Variants in CTU1 observed in about 807,000 individuals in gnomAD.
CTU1 encodes the protein cytoplasmic tRNA 2-thiolation protein 1.
A neutral mutation model predicts 12.9 loss-of-function variants in CTU1; 15 were observed. The ratio of observed to expected loss-of-function variants is 1.16; its 90% CI spans 0.78 to 1.79. The LOEUF is 1.79. Among genes scored for constraint, CTU1 ranks in the 40% most tolerant of loss-of-function variants. The pLI is 0.00. For missense variants in CTU1, 553 were observed against 550.5 expected (o/e 1.00, Z -0.05); for synonymous variants, 295 against 275.6 (o/e 1.07, Z -0.70).
intron 1 of CTU1, among the ~76,000 whole-genome samples, chr19:51,105,415 C>T (rs879323529): frequency 1.3e-5 from 2 of 151,980 alleles, no homozygotes; most frequent in African/African-American, 2.4e-5. Flanking sequence ...TTCATTCTTC[C>T]CCACCCAGCC....
At chr19:51,103,575 ACT>A (rs1332986610) in intron 2 of CTU1, among the ~76,000 whole-genome samples, 5 of 119,792 alleles carry the variant, frequency 4.2e-5, no homozygotes, top group East Asian at 5.0e-4. Flanking sequence ...ACAGAGCGAG[ACT>A]CTGTCTCAAA....
In CTU1 at chr19:51,104,510, G is replaced by C. The variant is rs1485603494; in HGVS notation, c.60C>G (p.Leu20=). The C allele has an allele frequency of 1.6e-6, 2 of 1,282,888 alleles. No homozygotes were observed. 79.5% of individuals were successfully genotyped at this position (1,282,888 alleles called of 1,614,324 possible). The change falls in exon 2 of 3, where the codon CTC becomes CTG. Residue 20 remains leucine (L), a synonymous_variant. Coordinates refer to ENST00000421832, the MANE Select transcript of CTU1 (RefSeq NM_145232.4). ...AGGCACCGCACAGCGCTTGGCCCGA[G>C]AGCGGACGGCGGAGGGCGGCGCGTG... ...HAARAALRRP[L]SGQALCGACF...
chr19:51,098,381 C>G lies in CTU1; in HGVS notation c.*220G>C, dbSNP rs934303994. 10 of 363,232 alleles carry G rather than the reference C, an allele frequency of 2.8e-5. No individual in the cohort carries two copies. The highest frequency in any genetic ancestry group is 4.3e-5 in the African/African-American group (2 of 46,980). The allele number at this position is 363,232 out of a possible 1,614,324, so 22.5% of individuals were successfully genotyped here. A position where few individuals can be genotyped will look rare whatever the true frequency, so the allele number is the denominator to read the frequency against. ...TCTCAGACCTAGGATGGTCCCCCAG[C>G]CCCCTCCTCCCTCAGAGCCTGAAGC... On this transcript the variant is annotated 3_prime_UTR_variant, in exon 3 of 3. Coordinates refer to ENST00000421832, the MANE Select transcript of CTU1 (RefSeq NM_145232.4). This position sits in a 1 kb window ranked among gnomAD's most constrained non-coding sequence, Gnocchi z 4.3.
At chr19:51,102,183 T>C (rs143762692) in intron 2 of CTU1, among the ~76,000 whole-genome samples, 1 of 152,308 alleles carries the variant, frequency 6.6e-6, no homozygotes, top group African/African-American at 2.4e-5. Context: ...TTTGTATTCT[T>C]AGTAGAGACG....
intron 2 of CTU1, among the ~76,000 whole-genome samples, chr19:51,101,257 G>GT (rs2091906660): frequency 6.6e-6 from 1 of 152,122 alleles, no homozygotes; most frequent in Non-Finnish European, 1.5e-5. Flanking sequence ...TCACTGCAGT[G>GT]TTTTTGTGTT....
chr19:51,103,747 C>G (rs1282512361), intron 2 of CTU1, among the ~76,000 whole-genome samples: 1 of 152,192 alleles, frequency 6.6e-6, no homozygotes, highest in Non-Finnish European at 1.5e-5. Flanking sequence ...GACCAGAGAT[C>G]TCCAGAGATT....
intron 1 of CTU1, among the ~76,000 whole-genome samples, chr19:51,104,965 C>G (rs2091916867): frequency 6.6e-6 from 1 of 152,152 alleles, no homozygotes; most frequent in African/African-American, 2.4e-5. Flanking sequence ...GGAGGCCACC[C>G]TTGTTACAGT....
In CTU1 at chr19:51,104,179, C is replaced by G. The variant is rs760115071; in HGVS notation, c.391G>C (p.Ala131Pro). 1 of 1,522,154 alleles carries G rather than the reference C, an allele frequency of 6.6e-7. No individual in the cohort carries two copies. Among genetic ancestry groups the G allele is most frequent in the African/African-American group, 1.4e-5 (1 of 70,460 alleles). The allele number at this position is 1,522,154 out of a possible 1,614,324, so 94.3% of individuals were successfully genotyped here. A position where few individuals can be genotyped will look rare whatever the true frequency, so the allele number is the denominator to read the frequency against. The change falls in exon 2 of 3, where the codon GCC becomes CCC. Residue 131 changes from alanine to proline, a missense_variant. By Grantham distance (27) the Ala-to-Pro change is conservative. Coordinates refer to ENST00000421832, the MANE Select transcript of CTU1 (RefSeq NM_145232.4). ...LFGGWTMDAV[A>P]RSTAGSGRSR... ...CGGCCGGAGCCGGCTGTGCTGCGGGCCACGGCGTCCATCGTCCAGCCCCCA... is the reference window on the plus strand; with the variant it reads ...CGGCCGGAGCCGGCTGTGCTGCGGGGCACGGCGTCCATCGTCCAGCCCCCA...
At chr19:51,106,516 TAA>T (rs2091920980) in intron 1 of CTU1, among the ~76,000 whole-genome samples, 1 of 151,972 alleles carries the variant, frequency 6.6e-6, no homozygotes, top group African/African-American at 2.4e-5. Context: ...TAATTTAATT[TAA>T]TTTTTTGAGA....
At position 51,098,944 on chromosome 19, in the gene CTU1, T is replaced by G. The variant is rs751001872; in HGVS notation, c.704A>C (p.Glu235Ala). 4 of 1,542,668 alleles carry G rather than the reference T, an allele frequency of 2.6e-6. No homozygotes were observed. The highest frequency in any genetic ancestry group is 2.6e-6 in the Non-Finnish European group (3 of 1,150,134). ...AHFRRLDYFSEECVYAPEAFR... is the reference protein window; with the variant it reads ...AHFRRLDYFSAECVYAPEAFR... ...GGCCTCGGGCGCGTAGACGCACTCC[T>G]CGGAGAAGTAGTCGAGGCGGCGGAA... The change falls in exon 3 of 3, where the codon GAG becomes GCG. Residue 235 changes from glutamate (E) to alanine (A), a missense_variant. Transcript: ENST00000421832. The surrounding 1 kb of genome is among the most constrained non-coding windows in gnomAD (Gnocchi z 4.3).
chr19:51,099,126 G>C lies in CTU1; in HGVS notation c.522C>G (p.Asp174Glu), dbSNP rs1441919140. The C allele has an allele frequency of 5.1e-6, 8 of 1,568,510 alleles. No homozygotes were observed. Among genetic ancestry groups the C allele is most frequent in the Non-Finnish European group, 6.9e-6 (8 of 1,166,720 alleles). ...TCATGAGCACGGTCTCCGCCATGTC[G>C]TCGGCGTTGTGACCTGGTGGGGAGA... ...ATHIVTGHNA[D>E]DMAETVLMNF... The change falls in exon 3 of 3, where the codon GAC becomes GAG. Residue 174 changes from aspartate (D) to glutamate (E), a missense_variant. Coordinates refer to ENST00000421832, the MANE Select transcript of CTU1 (RefSeq NM_145232.4).
At position 51,099,017 on chromosome 19, in the gene CTU1, G is replaced by C. The variant is rs1255736998; in HGVS notation, c.631C>G (p.Arg211Gly). ...PGEGGALPRC[R>G]PLQFASQKEV... ...TTCTGCGAGGCGAACTGCAGCGGGC[G>C]GCAGCGCGGCAGGGCGCCCCCCTCG... The change falls in exon 3 of 3, where the codon CGC becomes GGC. Residue 211 changes from arginine (R) to glycine (G), a missense_variant. By Grantham distance (125) the Arg-to-Gly change is moderately radical. Transcript: ENST00000421832. The C allele has an allele frequency of 4.0e-6, 6 of 1,512,438 alleles. No individual in the cohort carries two copies. In the African/African-American group the frequency reaches 4.3e-5, roughly 11 times the overall value. The allele number at this position is 1,512,438 out of a possible 1,614,324, so 93.7% of individuals were successfully genotyped here. A position where few individuals can be genotyped will look rare whatever the true frequency, so the allele number is the denominator to read the frequency against.
chr19:51,106,115 C>A (rs896318836), intron 1 of CTU1, among the ~76,000 whole-genome samples: 2 of 152,200 alleles, frequency 1.3e-5, no homozygotes, highest in African/African-American at 2.4e-5. Flanking sequence ...GATCCCATCT[C>A]ACTTTAGTAT....
At chr19:51,105,191 C>G (rs1465868063) in intron 1 of CTU1, among the ~76,000 whole-genome samples, 13 of 152,160 alleles carry the variant, frequency 8.5e-5, no homozygotes, top group Admixed American at 8.5e-4. Context: ...CTATGAAAGG[C>G]AGGGTGATCA....
At chr19:51,103,564 G>A (rs2091911997) in intron 2 of CTU1, among the ~76,000 whole-genome samples, 1 of 132,894 alleles carries the variant, frequency 7.5e-6, no homozygotes, top group Admixed American at 8.7e-5. Flanking sequence ...CAGCCTGGGA[G>A]ACAGAGCGAG....
At chr19:51,102,105 G>C (rs1032960890) in intron 2 of CTU1, among the ~76,000 whole-genome samples, 2 of 152,306 alleles carry the variant, frequency 1.3e-5, no homozygotes, top group Admixed American at 6.5e-5. Context: ...CCGGGTTCAA[G>C]CAATTCTCCT....
chr19:51,103,206 G>A (rs1180572119), intron 2 of CTU1, among the ~76,000 whole-genome samples: 2 of 152,146 alleles, frequency 1.3e-5, no homozygotes, highest in Non-Finnish European at 2.9e-5. Context: ...TTAGGGATGG[G>A]GTGAAACAGA....
chr19:51,102,821 C>T lies in CTU1; in HGVS notation c.508+1241G>A, dbSNP rs1352890127. 3.1e-5 allele frequency among the ~76,000 whole-genome samples: 4 copies of T among 127,306 alleles called. No homozygotes were observed. In the South Asian group the frequency reaches 9.2e-4, roughly 29 times the overall value. The allele number at this position is 127,306 out of a possible 152,430, so 83.5% of individuals were successfully genotyped here. A position where few individuals can be genotyped will look rare whatever the true frequency, so the allele number is the denominator to read the frequency against. ...GGCTTTTCACAGGCCAATAACCTCT[C>T]CCTAATTCTTACCCGCTTTACCTCT... On this transcript the variant is annotated intron_variant, in intron 2 of 2. Coordinates refer to ENST00000421832, the MANE Select transcript of CTU1 (RefSeq NM_145232.4).
chr19:51,105,121 C>A (rs1184011631), intron 1 of CTU1, among the ~76,000 whole-genome samples: 1 of 152,098 alleles, frequency 6.6e-6, no homozygotes, highest in Non-Finnish European at 1.5e-5. Flanking sequence ...ACAGGAAAGG[C>A]CAACTGATTG....
Sources: allele counts gnomAD v4.1 joint callset (sites outside exome capture counted in the v4.1 genomes callset), GRCh38; gene constraint gnomAD v4.1.1; non-coding constraint Gnocchi (gnomAD v3.1); transcripts MANE v1.5; gene names NCBI Gene and HGNC (gene_info 2026-07-23, HGNC 2026-07-21).